The following STK32B variants were observed in gnomAD, a reference collection of about 807,000 sequenced individuals.
STK32B encodes the protein serine/threonine-protein kinase 32B.
In STK32B, 43 loss-of-function variants were observed where a neutral mutation model predicts 52.6. That is an observed-to-expected ratio of 0.82 (90% CI 0.64 to 1.05). The LOEUF (loss-of-function observed/expected upper bound fraction) is 1.05. Among genes scored for constraint, STK32B ranks in the 50% least tolerant of loss-of-function variants. The pLI, the probability that STK32B is intolerant of heterozygous loss-of-function variation, is 0.00. For synonymous variants in STK32B, 238 were observed against 204.3 expected (o/e 1.17, Z -1.41); for missense variants, 621 against 534.6 (o/e 1.16, Z -1.59).
chr4:5,453,243 G>GAA lies in STK32B; in HGVS notation c.667-3563_667-3562insAA, dbSNP rs1716170278. Among the ~76,000 whole-genome samples, 1 of 151,988 alleles carries GAA rather than the reference G, an allele frequency of 6.6e-6. No homozygotes were observed. Among genetic ancestry groups the GAA allele is most frequent in the South Asian group, 2.1e-4 (1 of 4,790 alleles). On this transcript the variant is annotated intron_variant, in intron 7 of 11. Coordinates refer to ENST00000282908, the MANE Select transcript of STK32B (RefSeq NM_018401.3). The surrounding 1 kb of genome is among the most constrained non-coding windows in gnomAD (Gnocchi z 4.0). ...GATTAGGGAGAGAGAGAGAGAGAGA[G>GAA]AGTAGCTCATGTGGAGGTCCAGTGG...
intron 6 of STK32B, among the ~76,000 whole-genome samples, chr4:5,441,854 GT>G (rs1714800827): frequency 3.0e-5 from 4 of 134,410 alleles, no homozygotes; most frequent in African/African-American, 1.1e-4. Flanking sequence ...CCTTCATTTC[GT>G]TATGTACCCA....
rs147897714 is a variant in STK32B, at chr4:5,179,387, A to G, written c.260+10937A>G. On this transcript the variant is annotated intron_variant, in intron 3 of 11. Transcript: ENST00000282908. ...GGGACACAGCCAAACCATATCAGCT[A>G]TATCAGATAAATAGGTGTATCTATC... is the stretch of plus-strand genomic sequence containing the variant. Among the ~76,000 whole-genome samples, 325 of 152,346 alleles carry G rather than the reference A, an allele frequency of 2.1e-3. 2 individuals carry two copies. The highest frequency in any genetic ancestry group is 7.4e-3 in the African/African-American group (309 of 41,592).
chr4:5,089,121 C>T (rs572606828), intron 1 of STK32B, among the ~76,000 whole-genome samples: 1 of 151,986 alleles, frequency 6.6e-6, no homozygotes, highest in East Asian at 1.9e-4. Context: ...TTTCTACTAA[C>T]CTTACAGAAA....
intron 1 of STK32B, among the ~76,000 whole-genome samples, chr4:5,064,872 A>AATAT (rs1160508973): frequency 1.9e-4 from 28 of 145,696 alleles, no homozygotes; most frequent in Non-Finnish European, 3.9e-4. Context: ...AATATATAAA[A>AATAT]ATATATTTCT....
At chr4:5,149,313 T>G (rs1717160854) in intron 2 of STK32B, among the ~76,000 whole-genome samples, 1 of 151,872 alleles carries the variant, frequency 6.6e-6, no homozygotes, top group Non-Finnish European at 1.5e-5. Context: ...CTTTTAGTTG[T>G]ATTGTTTAGT....
chr4:5,191,702 GT>G, intron 3 of STK32B, among the ~76,000 whole-genome samples: 1 of 152,146 alleles, frequency 6.6e-6, no homozygotes, highest in Non-Finnish European at 1.5e-5. Flanking sequence ...AGCCTGCTTC[GT>G]CGGCTGAGAA....
chr4:5,192,099 G>A (rs1021237961), intron 3 of STK32B, among the ~76,000 whole-genome samples: 2 of 152,178 alleles, frequency 1.3e-5, no homozygotes, highest in Admixed American at 6.5e-5. Flanking sequence ...ATAAACGGCC[G>A]CCTGGGCTTC....
chr4:5,023,656 G>A, the STK32B span, among the ~76,000 whole-genome samples: 1 of 152,192 alleles, frequency 6.6e-6, no homozygotes, highest in Non-Finnish European at 1.5e-5. Context: ...CTCTCTTTTG[G>A]AGCTACCATC....
intron 2 of STK32B, among the ~76,000 whole-genome samples, chr4:5,151,399 G>C (rs1261572725): frequency 6.6e-6 from 1 of 152,300 alleles, no homozygotes; most frequent in East Asian, 1.9e-4. Flanking sequence ...TTTGCTGTCT[G>C]TCTTTGGCAG....
rs530096559 is a variant in STK32B, at chr4:5,367,068, A to G, written c.435-31139A>G. On this transcript the variant is annotated intron_variant, in intron 4 of 11. Transcript: ENST00000282908. ...GTGTCCTCCACCTCCCCTTCTCTCC[A>G]TGTTTAGATTTTAATTGCAGAAGAA... Among the ~76,000 whole-genome samples the G allele has an allele frequency of 6.6e-5, 10 of 152,202 alleles. No homozygotes were observed. The South Asian group carries it at 1.0e-3, about 16-fold the overall frequency.
intron 1 of STK32B, among the ~76,000 whole-genome samples, chr4:5,127,494 G>T (rs1051288978): frequency 6.6e-6 from 1 of 152,098 alleles, no homozygotes; most frequent in African/African-American, 2.4e-5. Context: ...TTCATGTCAG[G>T]TGCTGTTTTG....
intron 3 of STK32B, among the ~76,000 whole-genome samples, chr4:5,306,093 T>G (rs1314201723): frequency 6.6e-6 from 1 of 152,142 alleles, no homozygotes; most frequent in East Asian, 1.9e-4. Context: ...TTGACTTTCC[T>G]AAATTTGTTG....
At position 5,373,270 on chromosome 4, in the gene STK32B, G is replaced by GT. The variant is rs146193845; in HGVS notation, c.435-24937_435-24936insT. ...AGGTTTACCATGAGGAATTGGCTCA[G>GT]ATGACTGTGGAGACTGGCAAGTCCC... On this transcript the variant is annotated intron_variant, in intron 4 of 11. Coordinates refer to ENST00000282908, the MANE Select transcript of STK32B (RefSeq NM_018401.3). Among the ~76,000 whole-genome samples, 589 of 152,284 alleles carry GT rather than the reference G, an allele frequency of 3.9e-3. 4 individuals are homozygous for GT. Among genetic ancestry groups the GT allele is most frequent in the African/African-American group, 0.014 (570 of 41,562 alleles).
rs1220927661 is a variant in STK32B, at chr4:5,378,744, G to A, written c.435-19463G>A. 6.6e-6 allele frequency among the ~76,000 whole-genome samples: 1 copy of A among 152,142 alleles called. No individual in the cohort carries two copies. Among genetic ancestry groups the A allele is most frequent in the Non-Finnish European group, 1.5e-5 (1 of 68,020 alleles). ...TTAGTCAGCACACCTGCTGCTGGTT[G>A]GTGGAAATGTCTTTGAGAAACGCTG... On this transcript the variant is annotated intron_variant, in intron 4 of 11. Transcript: ENST00000282908. The surrounding 1 kb of genome is among the most constrained non-coding windows in gnomAD (Gnocchi z 4.4).
At chr4:5,223,127 C>A (rs771921482) in intron 3 of STK32B, among the ~76,000 whole-genome samples, 13 of 152,212 alleles carry the variant, frequency 8.5e-5, no homozygotes, top group Non-Finnish European at 1.3e-4. Context: ...CCAGGTGCAG[C>A]TTGGACTGCT....
chr4:5,047,455 TTAAAG>T (rs1323724164), upstream of STK32B, among the ~76,000 whole-genome samples: 11 of 152,050 alleles, frequency 7.2e-5, no homozygotes, highest in African/African-American at 9.7e-5. Flanking sequence ...ATCCCGGAAC[TTAAAG>T]TAAAATAAAA....
rs971140911 is a variant in STK32B at position 5,051,786 on chromosome 4, G to C, written c.-78G>C. ...GGACTGGGCGCGCCCCCGGCATCCC[G>C]CATCTCTGCGCGCGTCCCACATCCC... On this transcript the variant is annotated 5_prime_UTR_variant, in exon 1 of 12. Coordinates refer to ENST00000282908, the MANE Select transcript of STK32B (RefSeq NM_018401.3). The C allele has an allele frequency of 2.5e-5, 39 of 1,542,686 alleles. No individual in the cohort carries two copies. The highest frequency in any genetic ancestry group is 3.4e-5 in the Non-Finnish European group (39 of 1,142,110).
chr4:5,173,876 A>G (rs1382078464), intron 3 of STK32B, among the ~76,000 whole-genome samples: 5 of 152,202 alleles, frequency 3.3e-5, no homozygotes, highest in South Asian at 4.1e-4. Flanking sequence ...TTTTTGTCTC[A>G]TTGATCTGTC....
intron 3 of STK32B, among the ~76,000 whole-genome samples, chr4:5,192,316 C>T (rs971069132): frequency 6.6e-6 from 1 of 152,188 alleles, no homozygotes; most frequent in South Asian, 2.1e-4. Context: ...TGCAACACAG[C>T]AGCCTGGTCC....
Sources: allele counts gnomAD v4.1 joint callset (sites outside exome capture counted in the v4.1 genomes callset), GRCh38; gene constraint gnomAD v4.1.1; non-coding constraint Gnocchi (gnomAD v3.1); transcripts MANE v1.5; gene names NCBI Gene and HGNC (gene_info 2026-07-23, HGNC 2026-07-21).